ARHGAP39: variants seen among roughly 807,000 people sequenced by gnomAD.
ARHGAP39 encodes the protein Rho GTPase activating protein 39, also known as rho GTPase-activating protein 39.
ARHGAP39 carries 44 observed loss-of-function variants against 106.9 expected under a neutral mutation model. The ratio of observed to expected loss-of-function variants is 0.41; its 90% confidence interval spans 0.32 to 0.53. ARHGAP39 has a LOEUF of 0.53. Ranked by LOEUF, ARHGAP39 falls within the 20% of genes least tolerant of loss-of-function variation. The pLI is 0.21. For missense variants in ARHGAP39, 1,496 were observed against 1,577.3 expected (o/e 0.95, Z 0.87); for synonymous variants, 768 against 693.2 (o/e 1.11, Z -1.69).
At chr8:144,600,824 T>G (rs1819868721) in intron 2 of ARHGAP39, among the ~76,000 whole-genome samples, 1 of 151,146 alleles carries the variant, frequency 6.6e-6, no homozygotes, top group African/African-American at 2.4e-5. Flanking sequence ...TGTGTGTGCG[T>G]GGAGGCGTGT....
At chr8:144,694,677 C>T in the ARHGAP39 span, among the ~76,000 whole-genome samples, 27 of 152,280 alleles carry the variant, frequency 1.8e-4, no homozygotes, top group South Asian at 1.0e-3. Context: ...CTGGTGTCAG[C>T]GCCATAGAGT....
At chr8:144,575,756 T>A (rs1408529865) in intron 3 of ARHGAP39, among the ~76,000 whole-genome samples, 1 of 152,196 alleles carries the variant, frequency 6.6e-6, no homozygotes, top group Non-Finnish European at 1.5e-5. Flanking sequence ...CGTATCATCA[T>A]CATGGTCAAG....
At chr8:144,565,620 T>C (rs1188567922) in intron 3 of ARHGAP39, among the ~76,000 whole-genome samples, 2 of 151,532 alleles carry the variant, frequency 1.3e-5, no homozygotes, top group South Asian at 2.1e-4. Context: ...ACCCAGGAGG[T>C]AGAGGTGCAG....
At chr8:144,532,842 T>C (rs1446315431) in intron 9 of ARHGAP39, among the ~76,000 whole-genome samples, 1 of 152,154 alleles carries the variant, frequency 6.6e-6, no homozygotes, top group African/African-American at 2.4e-5. Context: ...AGGCTACCCA[T>C]GGCTGGTGTC....
chr8:144,572,782 A>G (rs1398297403), intron 3 of ARHGAP39, among the ~76,000 whole-genome samples: 1 of 152,228 alleles, frequency 6.6e-6, no homozygotes, highest in Non-Finnish European at 1.5e-5. Context: ...AATTTACAAG[A>G]AAAAAACAAC....
chr8:144,663,727 G>A (rs564805882), intron 1 of ARHGAP39, among the ~76,000 whole-genome samples: 120 of 152,214 alleles, frequency 7.9e-4, no homozygotes, highest in African/African-American at 2.9e-3. Flanking sequence ...CTCCCCAACC[G>A]ACACTCCACG....
chr8:144,619,665 C>A (rs766788398), intron 1 of ARHGAP39, among the ~76,000 whole-genome samples: 33 of 146,592 alleles, frequency 2.3e-4, no homozygotes, highest in Non-Finnish European at 4.0e-4. Flanking sequence ...AGCCTGTGTA[C>A]CTGAGAGCAC....
the ARHGAP39 span, among the ~76,000 whole-genome samples, chr8:144,691,666 T>C: frequency 2.0e-5 from 3 of 152,142 alleles, no homozygotes; most frequent in South Asian, 4.1e-4. Flanking sequence ...TTTTTAGGGT[T>C]GTCTTGCTAC....
chr8:144,666,868 G>T (rs925102698), intron 1 of ARHGAP39, among the ~76,000 whole-genome samples: 1 of 152,092 alleles, frequency 6.6e-6, no homozygotes, highest in Non-Finnish European at 1.5e-5. Context: ...GACCCAAACA[G>T]GCCTCTGCCC....
At chr8:144,540,841 G>A (rs1817160363) in intron 6 of ARHGAP39, among the ~76,000 whole-genome samples, 1 of 152,174 alleles carries the variant, frequency 6.6e-6, no homozygotes, top group Non-Finnish European at 1.5e-5. Context: ...TCCCTGTCTG[G>A]GGATAAATAA....
chr8:144,621,145 C>T (rs576070257), intron 1 of ARHGAP39, among the ~76,000 whole-genome samples: 1 of 152,408 alleles, frequency 6.6e-6, no homozygotes, highest in East Asian at 1.9e-4. Context: ...AGCATGACAT[C>T]ACATAAACTC....
Position 144,582,840 on chromosome 8 carries a change from G to A in ARHGAP39, c.81-1563C>T, listed in dbSNP as rs918151164. ...GGGAAGGCAGATGAGAACTCCTGAG[G>A]CCCGCCTGTGGATGTTTCACCGTCA... On this transcript the variant is annotated intron_variant, in intron 2 of 11. Coordinates refer to ENST00000377307, the MANE Select transcript of ARHGAP39 (RefSeq NM_025251.3). 5.3e-5 allele frequency among the ~76,000 whole-genome samples: 8 copies of A among 152,330 alleles called. 1 individual carries two copies. The highest frequency in any genetic ancestry group is 3.9e-4 in the Admixed American group (6 of 15,314).
At chr8:144,557,985 A>G (rs994592505) in intron 3 of ARHGAP39, among the ~76,000 whole-genome samples, 4 of 152,376 alleles carry the variant, frequency 2.6e-5, no homozygotes, top group African/African-American at 7.2e-5. Flanking sequence ...CAATCGAATG[A>G]GAAACTTCAG....
rs149760180 is a variant in ARHGAP39 at position 144,548,381 on chromosome 8, G to A, written c.705C>T (p.Asp235=). ...TGCGGGAGCGGACCCCAGGTGGGCC[G>A]TCTGGGGCGTAGCCATTGCCCTGGG... The part of the protein sequence containing the change: ...LAAQGNGYAP[D]GPPGVRSRRP... The change falls in exon 5 of 12, where the codon GAC becomes GAT. Residue 235 remains aspartate, a synonymous_variant. Coordinates refer to ENST00000377307, the MANE Select transcript of ARHGAP39 (RefSeq NM_025251.3). The surrounding 1 kb of genome is among the most constrained non-coding windows in gnomAD (Gnocchi z 7.4). 9.3e-6 allele frequency: 15 copies of A among 1,609,686 alleles called. No homozygotes were observed. The highest frequency in any genetic ancestry group is 2.7e-5 in the African/African-American group (2 of 74,900).
In ARHGAP39 at chr8:144,529,207, T is replaced by C. The variant is rs1224406840; in HGVS notation, c.*1215A>G. 3.3e-6 allele frequency: 1 copy of C among 303,224 alleles called. No individual in the cohort carries two copies. The highest frequency in any genetic ancestry group is 6.0e-6 in the Non-Finnish European group (1 of 165,762). 18.8% of individuals were successfully genotyped at this position (303,224 alleles called of 1,614,324 possible). A position where few individuals can be genotyped will look rare whatever the true frequency, so the allele number is the denominator to read the frequency against. ...GGTCCATGTGCACTTTATTCACTCG[T>C]GTCGTCGCCTCTCGGGTCCATGCGT... On this transcript the variant is annotated 3_prime_UTR_variant, in exon 12 of 12. Transcript: ENST00000377307.
At chr8:144,692,643 C>T in the ARHGAP39 span, among the ~76,000 whole-genome samples, 28 of 152,020 alleles carry the variant, frequency 1.8e-4, no homozygotes, top group Non-Finnish European at 3.2e-4. Context: ...TGCAATCCGC[C>T]GCACCACTAA....
At chr8:144,637,533 C>A (rs2130984696) in intron 1 of ARHGAP39, among the ~76,000 whole-genome samples, 1 of 152,300 alleles carries the variant, frequency 6.6e-6, no homozygotes, top group Non-Finnish European at 1.5e-5. Flanking sequence ...TCGCTTCAAC[C>A]CGGGAGGCAG....
At chr8:144,636,976 T>G (rs1821186412) in intron 1 of ARHGAP39, among the ~76,000 whole-genome samples, 1 of 152,246 alleles carries the variant, frequency 6.6e-6, no homozygotes, top group South Asian at 2.1e-4. Context: ...GAATGCAATC[T>G]GTGTCTTTCT....
intron 5 of ARHGAP39, among the ~76,000 whole-genome samples, chr8:144,546,426 G>A (rs1278378787): frequency 1.3e-5 from 2 of 152,162 alleles, no homozygotes; most frequent in East Asian, 3.9e-4. Context: ...GACCACGAAG[G>A]CCACCCAGGC....
Sources: gnomAD v4.1 joint callset for allele counts (sites outside exome capture counted in the v4.1 genomes callset) on GRCh38, gnomAD v4.1.1 for gene constraint, Gnocchi (gnomAD v3.1) non-coding constraint, MANE v1.5 for transcripts, NCBI Gene and HGNC (gene_info 2026-07-23, HGNC 2026-07-21) for gene names.